Variants in PARD3B observed in about 807,000 individuals in gnomAD.
PARD3B encodes par-3 family cell polarity regulator beta, also known as partitioning defective 3 homolog B.
A neutral mutation model predicts 130.2 loss-of-function variants in PARD3B; 103 were observed. The observed-to-expected ratio is 0.79, with a 90% CI of 0.67 to 0.93. PARD3B has a LOEUF of 0.93. Among genes scored for constraint, PARD3B ranks in the 40% least tolerant of loss-of-function variants. The pLI, the probability that PARD3B is intolerant of heterozygous loss-of-function variation, is 0.00. For synonymous variants in PARD3B, 583 were observed against 553.2 expected, an observed-to-expected ratio of 1.05 and a Z score of -0.76; for missense variants, 1,609 against 1,499.2, an observed-to-expected ratio of 1.07 and a Z score of -1.21.
intron 19 of PARD3B, among the ~76,000 whole-genome samples, chr2:205,439,079 G>A (rs1452465411): frequency 2.6e-5 from 4 of 152,110 alleles, no homozygotes; most frequent in East Asian, 1.9e-4. Flanking sequence ...AAAATCCTGC[G>A]TTCTAAAGAT....
At chr2:204,626,649 T>A (rs763229747) in intron 1 of PARD3B, among the ~76,000 whole-genome samples, 8 of 152,270 alleles carry the variant, frequency 5.3e-5, no homozygotes, top group Non-Finnish European at 1.0e-4. Context: ...ATGTATTTTT[T>A]CCCTCTGTAT....
At chr2:205,306,496 C>A (rs1390832197) in intron 18 of PARD3B, among the ~76,000 whole-genome samples, 3 of 152,032 alleles carry the variant, frequency 2.0e-5, no homozygotes, top group Admixed American at 1.3e-4. Flanking sequence ...CTAAATTAAA[C>A]CTTAACTTTA....
chr2:205,285,625 G>C (rs1202421512), intron 16 of PARD3B, among the ~76,000 whole-genome samples: 1 of 152,122 alleles, frequency 6.6e-6, no homozygotes, highest in East Asian at 1.9e-4. Context: ...TGGGCTTGCT[G>C]CCCCTTGGCA....
In PARD3B at chr2:205,380,492, A is replaced by C. The variant is rs370283035; in HGVS notation, c.2631-20521A>C. Reference sequence around the variant, plus strand: ...GAATATATATTATATATAATATATAAAGAATATATATTATATATAATATAT... The same window carrying C: ...GAATATATATTATATATAATATATACAGAATATATATTATATATAATATAT... On this transcript the variant is annotated intron_variant, in intron 18 of 22. Transcript: ENST00000406610. 8.7e-4 allele frequency among the ~76,000 whole-genome samples: 34 copies of C among 39,156 alleles called. 4 individuals are homozygous for C. The highest frequency in any genetic ancestry group is 4.6e-3 in the African/African-American group (33 of 7,114). The allele number at this position is 39,156 out of a possible 152,430, so 25.7% of individuals were successfully genotyped here.
rs1436953718 is a variant in PARD3B at position 205,287,657 on chromosome 2, AT to A, written c.2186-12869del. Among the ~76,000 whole-genome samples the A allele has an allele frequency of 6.6e-6, 1 of 152,178 alleles. No individual in the cohort carries two copies. The highest frequency in any genetic ancestry group is 1.5e-5 in the Non-Finnish European group (1 of 68,034). ...TACACCAAGGAAAGCCAGGATGCTC[AT>A]TTTAGATAGAATAATGGGTGCCGGC... On this transcript the variant is annotated intron_variant, in intron 16 of 22. Transcript: ENST00000406610. The surrounding 1 kb of genome is among the most constrained non-coding windows in gnomAD (Gnocchi z 4.8).
In PARD3B at chr2:205,121,845, G is replaced by T; in HGVS notation, c.1061G>T (p.Arg354Leu). The T allele has an allele frequency of 6.2e-7, 1 of 1,614,072 alleles. No homozygotes were observed. Among genetic ancestry groups the T allele is most frequent in the Non-Finnish European group, 8.5e-7 (1 of 1,179,994 alleles). ...SASLQQNKSP[R>L]VPRLGGKPSS... ...TCCCTGCAACAAAACAAGAGTCCCCGAGTACCAAGGCTGGGAGGAAAACCA... is the reference window on the plus strand; with the variant it reads ...TCCCTGCAACAAAACAAGAGTCCCCTAGTACCAAGGCTGGGAGGAAAACCA... Residue 354 changes from arginine to leucine, a missense_variant, in exon 8 of 23, where the codon CGA becomes CTA. Coordinates refer to ENST00000406610, the MANE Select transcript of PARD3B (RefSeq NM_001302769.2). The surrounding 1 kb of genome is among the most constrained non-coding windows in gnomAD (Gnocchi z 5.0).
At chr2:204,905,465 A>C (rs573718678) in intron 2 of PARD3B, among the ~76,000 whole-genome samples, 2 of 152,286 alleles carry the variant, frequency 1.3e-5, no homozygotes, top group East Asian at 3.9e-4. Flanking sequence ...ATTCTTTGAA[A>C]GAAAAATGGC....
At chr2:205,067,095 CTTTTTTTTTT>C (rs10672449) in intron 4 of PARD3B, among the ~76,000 whole-genome samples, 20 of 59,722 alleles carry the variant, frequency 3.3e-4, no homozygotes, top group Non-Finnish European at 3.7e-4. Context: ...TTTTACTAGG[CTTTTTTTTTT>C]TTTTTTTTTT....
chr2:205,115,724 A>C (rs1473773060), intron 6 of PARD3B, among the ~76,000 whole-genome samples: 1 of 152,156 alleles, frequency 6.6e-6, no homozygotes, highest in Admixed American at 6.6e-5. Flanking sequence ...TCTAGATGCA[A>C]CTGTGTATAG....
intron 20 of PARD3B, among the ~76,000 whole-genome samples, chr2:205,499,239 A>T (rs922942254): frequency 2.6e-5 from 4 of 152,126 alleles, no homozygotes; most frequent in Admixed American, 2.0e-4. Flanking sequence ...TATAATTCAT[A>T]AGAGGAAATA....
At chr2:204,949,516 C>G (rs1242591764) in intron 2 of PARD3B, among the ~76,000 whole-genome samples, 1 of 151,876 alleles carries the variant, frequency 6.6e-6, no homozygotes, top group African/African-American at 2.4e-5. Context: ...GAGATGGGGT[C>G]TTACCATGTT....
intron 3 of PARD3B, among the ~76,000 whole-genome samples, chr2:204,992,002 A>G (rs1460099427): frequency 3.3e-5 from 5 of 151,986 alleles, no homozygotes; most frequent in Admixed American, 6.6e-5. Context: ...AGTAGGTTGC[A>G]AAAATTTTCT....
At chr2:204,574,466 T>C (rs1040760400) in intron 1 of PARD3B, among the ~76,000 whole-genome samples, 1 of 152,210 alleles carries the variant, frequency 6.6e-6, no homozygotes, top group Non-Finnish European at 1.5e-5. Context: ...ACTTAACATC[T>C]GTGAGAGGTT....
chr2:205,543,376 G>A (rs2052249027), intron 21 of PARD3B, among the ~76,000 whole-genome samples: 1 of 152,038 alleles, frequency 6.6e-6, no homozygotes, highest in Non-Finnish European at 1.5e-5. Context: ...ATATTACTAG[G>A]CCTTTGGAGT....
chr2:205,046,270 T>A (rs1051478338), intron 3 of PARD3B, among the ~76,000 whole-genome samples: 73 of 151,792 alleles, frequency 4.8e-4, no homozygotes, highest in African/African-American at 1.7e-3. Flanking sequence ...TTTTTAAAAA[T>A]GTTTTATTTC....
intron 3 of PARD3B, 97 bp downstream of exon 3, chr2:204,965,420 A>G: frequency 1.6e-6 from 2 of 1,236,908 alleles, no homozygotes; most frequent in Non-Finnish European, 2.3e-6. Flanking sequence ...CATCCTGTTA[A>G]TATTTTATAT....
chr2:204,667,649 T>G (rs1437286029), intron 1 of PARD3B, among the ~76,000 whole-genome samples: 2 of 152,198 alleles, frequency 1.3e-5, no homozygotes, highest in Non-Finnish European at 2.9e-5. Context: ...TCTAATTTTT[T>G]GTGTGCATGT....
At chr2:204,917,791 TGAAAG>T (rs1001099811) in intron 2 of PARD3B, among the ~76,000 whole-genome samples, 1 of 152,220 alleles carries the variant, frequency 6.6e-6, no homozygotes, top group Non-Finnish European at 1.5e-5. Flanking sequence ...TTTTAGGATC[TGAAAG>T]GCTATTGGGG....
chr2:204,668,491 G>A lies in PARD3B; in HGVS notation c.121-17690G>A, dbSNP rs557236240. On this transcript the variant is annotated intron_variant, in intron 1 of 22. Transcript: ENST00000406610. ...GCCCAGAAGTTGAATTTGACTCAAC[G>A]TTTCCTGAAGATTGGACTTCTAAAT... Among the ~76,000 whole-genome samples, 15 of 152,274 alleles carry A rather than the reference G, an allele frequency of 9.9e-5. No individual in the cohort carries two copies. The South Asian group carries it at 2.3e-3, about 23-fold the overall frequency.
Sources: gnomAD v4.1 joint callset for allele counts (sites outside exome capture counted in the v4.1 genomes callset) on GRCh38, gnomAD v4.1.1 for gene constraint, Gnocchi (gnomAD v3.1) non-coding constraint, MANE v1.5 for transcripts, NCBI Gene and HGNC (gene_info 2026-07-23, HGNC 2026-07-21) for gene names.